Variants in DENND5B observed in about 807,000 individuals in gnomAD.
The protein encoded by DENND5B is DENN domain-containing protein 5B.
DENND5B carries 34 observed loss-of-function variants against 140.6 expected under a neutral mutation model. The ratio of observed to expected loss-of-function variants is 0.24; its 90% confidence interval spans 0.18 to 0.32. DENND5B has a LOEUF of 0.32. DENND5B is among the 10% of genes least tolerant of loss of function. The pLI is 1.00. For missense variants in DENND5B, 1,142 were observed against 1,560.2 expected (o/e 0.73, Z 4.52); for synonymous variants, 551 against 562.1 (o/e 0.98, Z 0.28).
intron 1 of DENND5B, among the ~76,000 whole-genome samples, chr12:31,547,728 G>A (rs983791946): frequency 1.3e-5 from 2 of 151,642 alleles, no homozygotes; most frequent in African/African-American, 4.8e-5. Flanking sequence ...TTTTTGAGAC[G>A]GAGTTTTGCT....
intron 1 of DENND5B, among the ~76,000 whole-genome samples, chr12:31,546,474 G>T (rs951673832): frequency 6.6e-6 from 1 of 152,080 alleles, no homozygotes; most frequent in Non-Finnish European, 1.5e-5. Context: ...ATCACTTGAG[G>T]TCAGGAGTTC....
chr12:31,443,834 C>G (rs1035944126), intron 6 of DENND5B: 1 of 152,078 alleles, frequency 6.6e-6, no homozygotes, highest in African/African-American at 2.4e-5. Context: ...GAAGGTAATA[C>G]AGCAAAAAGT....
chr12:31,576,914 C>T (rs991080864), intron 1 of DENND5B, among the ~76,000 whole-genome samples: 2 of 151,292 alleles, frequency 1.3e-5, no homozygotes, highest in African/African-American at 2.4e-5. Context: ...AAAAAAAGAG[C>T]GAGCTTTTTC....
chr12:31,518,936 C>G (rs976813035), intron 1 of DENND5B, among the ~76,000 whole-genome samples: 2 of 152,194 alleles, frequency 1.3e-5, no homozygotes, highest in African/African-American at 4.8e-5. Flanking sequence ...ATTAAACCTG[C>G]GTCAGAAATG....
intron 17 of DENND5B, among the ~76,000 whole-genome samples, chr12:31,396,098 TTGCCCAGGCTG>T (rs1941453751): frequency 7.4e-6 from 1 of 134,654 alleles, no homozygotes; most frequent in Non-Finnish European, 1.5e-5. Context: ...TCTCACTCTG[TTGCCCAGGCTG>T]TAGTGCATGT....
At chr12:31,587,347 C>A (rs1384492981) in intron 1 of DENND5B, among the ~76,000 whole-genome samples, 1 of 151,920 alleles carries the variant, frequency 6.6e-6, no homozygotes, top group Non-Finnish European at 1.5e-5. Context: ...ATTGTTCAGC[C>A]CCAAAATCTT....
chr12:31,521,589 A>G (rs17497517), intron 1 of DENND5B, among the ~76,000 whole-genome samples: 20,410 of 152,246 alleles, frequency 0.13, 1,609 homozygotes, highest in Non-Finnish European at 0.18. Flanking sequence ...CAAGATGCCT[A>G]CATAAAACAG....
intron 1 of DENND5B, chr12:31,534,708 A>G (rs994883559): frequency 7.1e-6 from 2 of 282,224 alleles, no homozygotes. Flanking sequence ...AATTACTAGA[A>G]CCATTAAGAC....
At chr12:31,481,278 T>A (rs1285899736) in intron 2 of DENND5B, among the ~76,000 whole-genome samples, 1 of 152,198 alleles carries the variant, frequency 6.6e-6, no homozygotes, top group Non-Finnish European at 1.5e-5. Flanking sequence ...TACAATTCCT[T>A]TATTTCTTCA....
At chr12:31,456,958 C>T (rs1339740626) in intron 4 of DENND5B, among the ~76,000 whole-genome samples, 2 of 152,096 alleles carry the variant, frequency 1.3e-5, no homozygotes, top group Middle Eastern at 3.2e-3. Context: ...GTGGTGTGTG[C>T]CTCTCGTCCC....
intron 1 of DENND5B, among the ~76,000 whole-genome samples, chr12:31,531,330 G>A (rs993738182): frequency 3.3e-5 from 5 of 152,176 alleles, no homozygotes; most frequent in African/African-American, 1.2e-4. Flanking sequence ...CTCCCAAGTA[G>A]CTGGGATTAC....
chr12:31,501,760 C>G (rs1345058281), intron 1 of DENND5B, among the ~76,000 whole-genome samples: 3 of 86,610 alleles, frequency 3.5e-5, no homozygotes, highest in African/African-American at 1.4e-4. Flanking sequence ...GCAACAAGAG[C>G]AAAACTCCAT....
intron 2 of DENND5B, among the ~76,000 whole-genome samples, chr12:31,487,683 CAG>C (rs1373614285): frequency 1.3e-5 from 2 of 152,114 alleles, no homozygotes; most frequent in Non-Finnish European, 2.9e-5. Context: ...GCCTAGAAGA[CAG>C]AGTGAGACTG....
chr12:31,527,131 T>A (rs191000868), intron 1 of DENND5B, among the ~76,000 whole-genome samples: 21 of 152,160 alleles, frequency 1.4e-4, no homozygotes, highest in African/African-American at 4.3e-4. Flanking sequence ...GTAAAGAGCA[T>A]TGAGGGATCA....
At position 31,420,091 on chromosome 12, in the gene DENND5B, G is replaced by A. The variant is rs1942951339; in HGVS notation, c.2470+3506C>T. On this transcript the variant is annotated intron_variant, in intron 11 of 20. Transcript: ENST00000389082. The stretch of plus-strand genomic sequence containing the variant: ...CCAGTTTAGTAGAACCTTGTCTGAA[G>A]GTGCAAAGTTTAAGAACTGGCTCAA... The A allele has an allele frequency of 3.0e-6, 3 of 983,902 alleles. No homozygotes were observed. The South Asian group carries it at 1.4e-4, about 46-fold the overall frequency. The allele number at this position is 983,902 out of a possible 1,614,324, so 60.9% of individuals were successfully genotyped here. A position where few individuals can be genotyped will look rare whatever the true frequency, so the allele number is the denominator to read the frequency against.
chr12:31,409,352 C>T lies in DENND5B; in HGVS notation c.2714G>A (p.Cys905Tyr). 6.4e-7 allele frequency: 1 copy of T among 1,553,986 alleles called. No individual in the cohort carries two copies. The highest frequency in any genetic ancestry group is 8.7e-7 in the Non-Finnish European group (1 of 1,149,538). Reference sequence around the variant, plus strand: ...AAGAAACTGCTCTCTTTCTTCTTCGCAACGTAGAAAAGCATATCGCTTATA... The same window carrying T: ...AAGAAACTGCTCTCTTTCTTCTTCGTAACGTAGAAAAGCATATCGCTTATA... ...KLYKRYAFLR[C>Y]EEEREQFLYH... The change falls in exon 14 of 21, where the codon TGC becomes TAC. Residue 905 changes from cysteine (C) to tyrosine (Y), a missense_variant. Physicochemically the swap from Cys to Tyr is radical, Grantham distance 194 (BLOSUM62 -2). This residue lies in a region of DENND5B where 268 missense variants were observed against 349.2 expected (regional missense o/e 0.77). Coordinates refer to ENST00000389082, the MANE Select transcript of DENND5B (RefSeq NM_144973.4).
intron 1 of DENND5B, among the ~76,000 whole-genome samples, chr12:31,584,556 G>A (rs1950327144): frequency 6.6e-6 from 1 of 152,130 alleles, no homozygotes; most frequent in Non-Finnish European, 1.5e-5. Context: ...CTCACTGCCT[G>A]TAATCCCAGC....
intron 11 of DENND5B, among the ~76,000 whole-genome samples, chr12:31,415,844 T>C (rs1942709196): frequency 6.7e-6 from 1 of 148,320 alleles, no homozygotes; most frequent in South Asian, 2.1e-4. Flanking sequence ...TTTCTTTTCT[T>C]TTTTTTTTGA....
At chr12:31,526,442 C>A (rs1948085055) in intron 1 of DENND5B, among the ~76,000 whole-genome samples, 1 of 152,174 alleles carries the variant, frequency 6.6e-6, no homozygotes, top group African/African-American at 2.4e-5. Flanking sequence ...TAAAGTTCAA[C>A]AATGCCCTGT....
Sources: gnomAD v4.1 joint callset for allele counts (sites outside exome capture counted in the v4.1 genomes callset) on GRCh38, gnomAD v4.1.1 for gene constraint, gnomAD v4.1.1 regional missense constraint, MANE v1.5 for transcripts, NCBI Gene and HGNC (gene_info 2026-07-23, HGNC 2026-07-21) for gene names.